GABRA3: variants seen among roughly 807,000 people sequenced by gnomAD.
The protein encoded by GABRA3 is gamma-aminobutyric acid type A receptor subunit alpha3.
A neutral mutation model predicts 30.1 loss-of-function variants in GABRA3; 10 were observed. That is an observed-to-expected ratio of 0.33 (90% CI 0.20 to 0.56). The LOEUF (loss-of-function observed/expected upper bound fraction) is 0.56, where lower values mean the gene tolerates loss of function less well. Among genes scored for constraint, GABRA3 ranks in the 20% least tolerant of loss-of-function variants. GABRA3 has a pLI of 0.89. For synonymous variants in GABRA3, 151 were observed against 146.8 expected (o/e 1.03, Z -0.21); for missense variants, 233 against 392.0 (o/e 0.59, Z 3.42).
chrX:152,354,783 A>G (rs1042962781), intron 2 of GABRA3, among the ~76,000 whole-genome samples: 1 of 111,494 alleles, frequency 9.0e-6, no homozygotes, highest in Non-Finnish European at 1.9e-5. Context: ...TCAACCATAA[A>G]GCAGGAGGGA....
At chrX:152,180,133 T>C (rs1181746839) in intron 9 of GABRA3, among the ~76,000 whole-genome samples, 3 of 111,979 alleles carry the variant, frequency 2.7e-5, no homozygotes, top group African/African-American at 9.7e-5. Context: ...TTCAGGAACC[T>C]CCATACTAGC....
Position 152,402,375 on chromosome X carries a change from G to A in GABRA3, c.-26-37779C>T, listed in dbSNP as rs150381199. On this transcript the variant is annotated intron_variant, in intron 1 of 9. Coordinates refer to ENST00000370314, the MANE Select transcript of GABRA3 (RefSeq NM_000808.4). ...ATTAGCATACAGCGAAAACAAGATT[G>A]TCTGTGTGATGTAATCTCTTTTTGC... Among the ~76,000 whole-genome samples, 773 of 111,987 alleles carry A rather than the reference G, an allele frequency of 6.9e-3. 10 individuals are homozygous for A. The highest frequency in any genetic ancestry group is 0.023 in the African/African-American group (721 of 30,865).
intron 6 of GABRA3, among the ~76,000 whole-genome samples, chrX:152,213,272 T>C (rs1358349545): frequency 8.9e-6 from 1 of 111,887 alleles, no homozygotes; most frequent in Non-Finnish European, 1.9e-5. Context: ...GTTCAACAAA[T>C]ATCAAGGCAT....
intron 1 of GABRA3, among the ~76,000 whole-genome samples, chrX:152,410,354 TA>T (rs1023374202): frequency 3.6e-5 from 4 of 110,223 alleles, no homozygotes; most frequent in South Asian, 7.5e-4. Flanking sequence ...TATTTTTAAA[TA>T]AAAAAAAGTG....
At chrX:152,287,036 C>T (rs1939309295) in intron 3 of GABRA3, among the ~76,000 whole-genome samples, 1 of 111,446 alleles carries the variant, frequency 9.0e-6, no homozygotes. Flanking sequence ...AAGCAAATGC[C>T]TATATACCTA....
chrX:152,387,772 A>T (rs767134951), intron 1 of GABRA3, among the ~76,000 whole-genome samples: 1 of 111,775 alleles, frequency 8.9e-6, no homozygotes, highest in East Asian at 2.8e-4. Context: ...AAAGCTTTTT[A>T]AAAAAATGCT....
At position 152,302,645 on chromosome X, in the gene GABRA3, G is replaced by A. The variant is rs112127578; in HGVS notation, c.263-17910C>T. 8.2e-3 allele frequency among the ~76,000 whole-genome samples: 914 copies of A among 110,800 alleles called. 11 individuals are homozygous for A. Among genetic ancestry groups the A allele is most frequent in the African/African-American group, 0.028 (851 of 30,434 alleles). ...GTTTGTCACCAAGGTATATGGTGAC[G>A]CTGAGGCTTGGGGTACTATTGATCT... On this transcript the variant is annotated intron_variant, in intron 3 of 9. Transcript: ENST00000370314.
At chrX:152,290,293 T>C (rs1939382614) in intron 3 of GABRA3, among the ~76,000 whole-genome samples, 1 of 112,482 alleles carries the variant, frequency 8.9e-6, no homozygotes, top group Non-Finnish European at 1.9e-5. Context: ...ATGTGTCTGT[T>C]GGCTGCATAA....
intron 1 of GABRA3, among the ~76,000 whole-genome samples, chrX:152,441,014 A>T (rs1180238549): frequency 1.0e-3 from 16 of 16,052 alleles, no homozygotes; most frequent in African/African-American, 1.8e-3. Context: ...AGTATAATAA[A>T]AAAAAAAAAA....
chrX:152,324,283 A>G (rs916119619), intron 3 of GABRA3, among the ~76,000 whole-genome samples: 7 of 112,543 alleles, frequency 6.2e-5, no homozygotes, highest in Admixed American at 9.4e-5. Context: ...ATCAATCAGC[A>G]GTAAAATTCT....
At chrX:152,300,151 T>A (rs1389823404) in intron 3 of GABRA3, among the ~76,000 whole-genome samples, 2 of 112,579 alleles carry the variant, frequency 1.8e-5, no homozygotes, top group African/African-American at 3.2e-5. Context: ...AACCACTACA[T>A]AAATTTCAGA....
At chrX:152,294,973 C>G (rs1939499055) in intron 3 of GABRA3, among the ~76,000 whole-genome samples, 1 of 110,862 alleles carries the variant, frequency 9.0e-6, no homozygotes, top group Non-Finnish European at 1.9e-5. Flanking sequence ...AGGTCCACTC[C>G]AGACCCTGTT....
intron 3 of GABRA3, among the ~76,000 whole-genome samples, chrX:152,299,433 C>T (rs5970264): frequency 1.2e-3 from 124 of 107,724 alleles, no homozygotes; most frequent in African/African-American, 4.0e-3. Flanking sequence ...TTGGGATAAG[C>T]GGGGAAGCAG....
At chrX:152,416,644 C>A (rs759947218) in intron 1 of GABRA3, among the ~76,000 whole-genome samples, 2 of 111,241 alleles carry the variant, frequency 1.8e-5, no homozygotes, top group East Asian at 5.7e-4. Flanking sequence ...TACACAGTAA[C>A]CAAAACAGCA....
chrX:152,206,209 C>T (rs1253123568), intron 7 of GABRA3, among the ~76,000 whole-genome samples: 1 of 112,805 alleles, frequency 8.9e-6, no homozygotes, highest in Non-Finnish European at 1.9e-5. Flanking sequence ...GGTGGGCCTT[C>T]AGCCTCTAGG....
chrX:152,323,084 C>G (rs753169733), intron 3 of GABRA3, among the ~76,000 whole-genome samples: 29 of 109,495 alleles, frequency 2.6e-4, no homozygotes, highest in Non-Finnish European at 4.0e-4. Context: ...ATCTCTTGAT[C>G]TCGTGATCTG....
At chrX:152,409,562 A>T (rs765773483) in intron 1 of GABRA3, among the ~76,000 whole-genome samples, 2 of 111,935 alleles carry the variant, frequency 1.8e-5, no homozygotes, top group Non-Finnish European at 3.8e-5. Flanking sequence ...CAAAGAAAAC[A>T]GTCAACAAAG....
intron 3 of GABRA3, among the ~76,000 whole-genome samples, chrX:152,290,147 T>C (rs1939379151): frequency 8.9e-6 from 1 of 112,024 alleles, no homozygotes; most frequent in South Asian, 3.8e-4. Context: ...TGTAAAAGTA[T>C]TCCTATTTCT....
intron 3 of GABRA3, among the ~76,000 whole-genome samples, chrX:152,344,373 C>T (rs1940359569): frequency 9.0e-6 from 1 of 111,622 alleles, no homozygotes; most frequent in Non-Finnish European, 1.9e-5. Flanking sequence ...TCCATTCATA[C>T]TGACATTAGC....
Sources: gnomAD v4.1 joint callset for allele counts (sites outside exome capture counted in the v4.1 genomes callset) on GRCh38, gnomAD v4.1.1 for gene constraint, MANE v1.5 for transcripts, NCBI Gene and HGNC (gene_info 2026-07-23, HGNC 2026-07-21) for gene names.